PARN: variants seen among roughly 807,000 people sequenced by gnomAD.
PARN encodes poly(A)-specific ribonuclease, also known as poly(A)-specific ribonuclease PARN.
A neutral mutation model predicts 102.8 loss-of-function variants in PARN; 71 were observed. The observed-to-expected ratio is 0.69, with a 90% CI of 0.57 to 0.84. The LOEUF (loss-of-function observed/expected upper bound fraction) is 0.84. Among genes scored for constraint, PARN ranks in the 40% least tolerant of loss-of-function variants. The pLI is 0.00. For synonymous variants in PARN, 261 were observed against 252.9 expected, an observed-to-expected ratio of 1.03 and a Z score of -0.30; for missense variants, 782 against 760.9, an observed-to-expected ratio of 1.03 and a Z score of -0.33.
intron 21 of PARN, among the ~76,000 whole-genome samples, chr16:14,488,451 AT>A (rs1963856221): frequency 6.6e-6 from 1 of 152,232 alleles, no homozygotes; most frequent in African/African-American, 2.4e-5. Context: ...AAGACAATCT[AT>A]AAACTGGAAG....
intron 5 of PARN, among the ~76,000 whole-genome samples, chr16:14,625,472 G>C (rs1972588749): frequency 6.6e-6 from 1 of 152,096 alleles, no homozygotes; most frequent in African/African-American, 2.4e-5. Flanking sequence ...ACTCTAGCCT[G>C]GACAAGAAGA....
At chr16:14,605,605 A>G (rs1175265314) in intron 10 of PARN, among the ~76,000 whole-genome samples, 3 of 152,186 alleles carry the variant, frequency 2.0e-5, no homozygotes, top group Non-Finnish European at 4.4e-5. Context: ...TCTTTCTCAT[A>G]TATTTTGTGT....
chr16:14,513,594 C>G (rs1035682893), intron 21 of PARN, among the ~76,000 whole-genome samples: 3 of 152,198 alleles, frequency 2.0e-5, no homozygotes, highest in Non-Finnish European at 4.4e-5. Context: ...TACCTGTCTT[C>G]CAGCTTCCTG....
chr16:14,581,748 T>G (rs893787997), intron 17 of PARN, among the ~76,000 whole-genome samples: 1 of 152,098 alleles, frequency 6.6e-6, no homozygotes, highest in Non-Finnish European at 1.5e-5. Flanking sequence ...AGCAAGACCC[T>G]GTCTCTATAA....
At chr16:14,444,597 G>A (rs1961107042) in intron 23 of PARN, among the ~76,000 whole-genome samples, 1 of 152,088 alleles carries the variant, frequency 6.6e-6, no homozygotes, top group Non-Finnish European at 1.5e-5. Context: ...TTGTCCCTGA[G>A]GAGTAATAAA....
At chr16:14,630,036 CA>C in intron 1 of PARN, 70 bp downstream of exon 1, 1 of 1,386,666 alleles carries the variant, frequency 7.2e-7, no homozygotes, top group South Asian at 1.2e-5. Flanking sequence ...ACACGCCGGC[CA>C]TGGTCTCGGC....
At chr16:14,593,491 TTA>T (rs1491414142) in intron 12 of PARN, 113 bp from the exon 13 acceptor site, 1,100 of 27,500 alleles carry the variant, frequency 0.04, 13 homozygotes, top group Non-Finnish European at 0.053. Context: ...CTTTCCAGAC[TTA>T]AAAAAAAAAA....
At chr16:14,547,092 CA>C (rs753738742) in intron 21 of PARN, among the ~76,000 whole-genome samples, 7,450 of 91,406 alleles carry the variant, frequency 0.082, 197 homozygotes, top group African/African-American at 0.12. Context: ...GACCCTGTCT[CA>C]AAAAAAAAAA....
At chr16:14,563,660 T>C (rs1968242114) in intron 18 of PARN, among the ~76,000 whole-genome samples, 1 of 151,456 alleles carries the variant, frequency 6.6e-6, no homozygotes, top group South Asian at 2.1e-4. Context: ...CTCAGCCTCA[T>C]AAATGGCTGG....
Position 14,435,943 on chromosome 16 carries a change from C to CACACACACACACACAG in PARN, c.*773_*774insCTGTGTGTGTGTGTGT, listed in dbSNP as rs1163186399. The CACACACACACACACAG allele has an allele frequency of 3.5e-5, 5 of 141,604 alleles. No homozygotes were observed. The highest frequency in any genetic ancestry group is 1.3e-4 in the African/African-American group (5 of 38,496). The allele number at this position is 141,604 out of a possible 1,614,324, so 8.8% of individuals were successfully genotyped here. ...ACACACACACACACACACACACACA[C>CACACACACACACACAG]AGACACGTACGCACACACGCTGCCG... On this transcript the variant is annotated 3_prime_UTR_variant, in exon 24 of 24. Coordinates refer to ENST00000437198, the MANE Select transcript of PARN (RefSeq NM_002582.4).
chr16:14,466,109 A>G (rs1240373757), intron 22 of PARN, among the ~76,000 whole-genome samples: 2 of 152,194 alleles, frequency 1.3e-5, no homozygotes, highest in Non-Finnish European at 2.9e-5. Context: ...AAATTTACCT[A>G]TATAACAAAT....
chr16:14,584,226 G>C, intron 16 of PARN, 121 bp downstream of exon 16: 2 of 666,584 alleles, frequency 3.0e-6, no homozygotes, highest in South Asian at 1.9e-5. Flanking sequence ...ACGTGCAAGT[G>C]AATTCAGCCA....
At chr16:14,624,773 C>G (rs558582095) in intron 5 of PARN, among the ~76,000 whole-genome samples, 6 of 152,224 alleles carry the variant, frequency 3.9e-5, no homozygotes, top group East Asian at 3.9e-4. Flanking sequence ...ATAAAATTAG[C>G]CGGTGTGGTG....
At chr16:14,553,256 T>TAAA (rs58411352) in intron 20 of PARN, among the ~76,000 whole-genome samples, 41 of 117,294 alleles carry the variant, frequency 3.5e-4, no homozygotes, top group African/African-American at 5.7e-4. Flanking sequence ...TATTTCTATT[T>TAAA]AAAAAAAAAA....
intron 22 of PARN, among the ~76,000 whole-genome samples, chr16:14,454,601 A>G (rs1418074545): frequency 6.6e-6 from 1 of 152,190 alleles, no homozygotes; most frequent in African/African-American, 2.4e-5. Context: ...GGTGTAACAT[A>G]AGAACAGAAA....
intron 5 of PARN, among the ~76,000 whole-genome samples, chr16:14,621,545 G>C (rs1361250835): frequency 6.6e-6 from 1 of 152,144 alleles, no homozygotes; most frequent in African/African-American, 2.4e-5. Flanking sequence ...AGACACGGTG[G>C]CTCACGCCTG....
chr16:14,610,230 T>G (rs1479983651), intron 7 of PARN, among the ~76,000 whole-genome samples: 1 of 152,282 alleles, frequency 6.6e-6, no homozygotes, highest in South Asian at 2.1e-4. Flanking sequence ...CTCAACACTT[T>G]GAGAGGCTGA....
intron 11 of PARN, among the ~76,000 whole-genome samples, chr16:14,603,780 G>C (rs1216096842): frequency 2.6e-5 from 4 of 152,212 alleles, no homozygotes; most frequent in African/African-American, 9.7e-5. Flanking sequence ...ATCCTCATCT[G>C]TCAGATCATG....
rs527954468 is a variant in PARN, at chr16:14,577,363, T to C, written c.1262+3511A>G. 1.6e-4 allele frequency among the ~76,000 whole-genome samples: 24 copies of C among 152,314 alleles called. No individual in the cohort carries two copies. In the South Asian group the frequency reaches 2.9e-3, roughly 18 times the overall value. On this transcript the variant is annotated intron_variant, in intron 18 of 23. Transcript: ENST00000437198. ...AGTAAAAACAAGGTCAGTATTAACA[T>C]AGAAAGAGATGTCAAAAGAAGCAAT...
Sources: allele counts gnomAD v4.1 joint callset (sites outside exome capture counted in the v4.1 genomes callset), GRCh38; gene constraint gnomAD v4.1.1; transcripts MANE v1.5; gene names NCBI Gene and HGNC (gene_info 2026-07-23, HGNC 2026-07-21).